TXNRD2: variants seen among roughly 807,000 people sequenced by gnomAD.
TXNRD2 encodes the protein thioredoxin reductase 2, mitochondrial.
Under a neutral mutation model 70.8 loss-of-function variants are expected in TXNRD2, and 67 were observed. The observed-to-expected ratio is 0.95, with a 90% CI of 0.78 to 1.16. The LOEUF (loss-of-function observed/expected upper bound fraction) is 1.16, where lower values mean the gene tolerates loss of function less well. Ranked by LOEUF, TXNRD2 falls within the 50% of genes most tolerant of loss-of-function variation. The pLI, the probability that TXNRD2 is intolerant of heterozygous loss-of-function variation, is 0.00. For synonymous variants in TXNRD2, 301 were observed against 295.8 expected (o/e 1.02, Z -0.18); for missense variants, 644 against 719.9 (o/e 0.89, Z 1.21).
Position 19,883,356 on chromosome 22 carries a change from G to A in TXNRD2, c.1055C>T (p.Pro352Leu). The A allele has an allele frequency of 1.7e-5, 27 of 1,614,010 alleles. No homozygotes were observed. The highest frequency in any genetic ancestry group is 2.3e-5 in the Non-Finnish European group (27 of 1,180,030). The change falls in exon 12 of 18, where the codon CCC (proline) becomes CTC (leucine). Residue 352 changes from proline (P) to leucine (L), a missense_variant. Physicochemically the swap from Pro to Leu is moderately conservative, Grantham distance 98. This residue lies in a region of TXNRD2 where 566 missense variants were observed against 645.0 expected (regional missense o/e 0.88). Transcript: ENST00000400521. The part of the protein sequence containing the change: ...LVDSREATSV[P>L]HIYAIGDVVE... Reference sequence around the variant, plus strand: ...CACGTCACCAATGGCGTAGATGTGGGGCACAGAGGTGGCTTCCCGGGAGTC... The same window carrying A: ...CACGTCACCAATGGCGTAGATGTGGAGCACAGAGGTGGCTTCCCGGGAGTC...
At chr22:19,932,620 G>A (rs1941409602) in intron 1 of TXNRD2, 1 of 1,404,636 alleles carries the variant, frequency 7.1e-7, no homozygotes, top group Non-Finnish European at 9.3e-7. Context: ...CAAGTCATCA[G>A]TCTGCTGGGG....
At chr22:19,939,626 G>A (rs1022508466) in intron 1 of TXNRD2, among the ~76,000 whole-genome samples, 1 of 152,062 alleles carries the variant, frequency 6.6e-6, no homozygotes, top group Admixed American at 6.6e-5. Flanking sequence ...CCGTTGCACC[G>A]CTCAGCCAGG....
intron 12 of TXNRD2, among the ~76,000 whole-genome samples, 183 bp downstream of exon 12, chr22:19,883,142 C>T (rs1205124254): frequency 7.2e-5 from 11 of 152,230 alleles, no homozygotes; most frequent in Admixed American, 2.0e-4. Context: ...GGCAGAGAGC[C>T]GAGGCCCATG....
chr22:19,907,142 G>A (rs1235124465), intron 8 of TXNRD2, among the ~76,000 whole-genome samples: 4 of 112,358 alleles, frequency 3.6e-5, no homozygotes, highest in Admixed American at 2.1e-4. Flanking sequence ...TGGGCACCAT[G>A]GGTAGCACTG....
intron 8 of TXNRD2, among the ~76,000 whole-genome samples, chr22:19,909,057 T>A (rs1359387928): frequency 1.3e-5 from 2 of 151,682 alleles, no homozygotes; most frequent in Non-Finnish European, 2.9e-5. Context: ...ACACAAAAAA[T>A]TAGCGGGGTG....
At chr22:19,892,802 G>A (rs973227372) in intron 11 of TXNRD2, among the ~76,000 whole-genome samples, 3 of 152,146 alleles carry the variant, frequency 2.0e-5, no homozygotes, top group Non-Finnish European at 4.4e-5. Context: ...GACAGTAGGA[G>A]GATAAATTTT....
intron 8 of TXNRD2, among the ~76,000 whole-genome samples, chr22:19,906,827 T>C: frequency 6.8e-6 from 1 of 146,836 alleles, no homozygotes; most frequent in Admixed American, 6.9e-5. Flanking sequence ...GTGGGCGCCG[T>C]GGGTAGCAGT....
chr22:19,927,749 C>A (rs1037498386), intron 2 of TXNRD2, among the ~76,000 whole-genome samples: 1 of 151,374 alleles, frequency 6.6e-6, no homozygotes, highest in African/African-American at 2.4e-5. Context: ...ATACAGAGGG[C>A]TGACTCTGTA....
intron 1 of TXNRD2, 125 bp downstream of exon 1, chr22:19,941,576 G>C: frequency 7.6e-7 from 1 of 1,315,288 alleles, no homozygotes; most frequent in South Asian, 2.0e-5. Context: ...CAAGAGGCCG[G>C]TATGTGGACA....
intron 4 of TXNRD2, 107 bp from the exon 5 acceptor site, chr22:19,918,324 A>C: frequency 2.8e-6 from 3 of 1,066,952 alleles, no homozygotes; most frequent in Non-Finnish European, 4.2e-6. Flanking sequence ...AATATCAAAA[A>C]ACAAGAGTGC....
chr22:19,880,794 C>T lies in TXNRD2; in HGVS notation c.1087-77G>A, dbSNP rs1352952701. The T allele has an allele frequency of 4.8e-6, 5 of 1,033,918 alleles. No homozygotes were observed. The South Asian group carries it at 6.6e-5, about 14-fold the overall frequency. 64.0% of individuals were successfully genotyped at this position (1,033,918 alleles called of 1,614,324 possible). ...CAGCCCCTATGCCATCACCCTTTGC[C>T]CTCCGAGTGGGCATCTCCCTTTAGA... On this transcript the variant is annotated intron_variant, in intron 12 of 17. Coordinates refer to ENST00000400521, the MANE Select transcript of TXNRD2 (RefSeq NM_006440.5).
At chr22:19,912,868 C>T (rs1339593496) in intron 7 of TXNRD2, among the ~76,000 whole-genome samples, 2 of 152,242 alleles carry the variant, frequency 1.3e-5, no homozygotes, top group Admixed American at 1.3e-4. Context: ...GAAGTGGAGG[C>T]TGGGGTCACA....
At chr22:19,909,121 G>C (rs1940200322) in intron 8 of TXNRD2, among the ~76,000 whole-genome samples, 2 of 150,584 alleles carry the variant, frequency 1.3e-5, no homozygotes, top group Non-Finnish European at 2.9e-5. Flanking sequence ...CAGGAGAATC[G>C]CTTGAACCCG....
chr22:19,922,604 G>A (rs1206509355), intron 2 of TXNRD2, among the ~76,000 whole-genome samples: 1 of 152,100 alleles, frequency 6.6e-6, no homozygotes, highest in Non-Finnish European at 1.5e-5. Flanking sequence ...CTCCAGGGTG[G>A]TTTTATAAAC....
At chr22:19,904,576 G>C (rs1284550190) in intron 8 of TXNRD2, among the ~76,000 whole-genome samples, 1 of 152,218 alleles carries the variant, frequency 6.6e-6, no homozygotes, top group Non-Finnish European at 1.5e-5. Flanking sequence ...GGCACCACTC[G>C]CCAGATCTGG....
chr22:19,906,810 G>A (rs1350471041), intron 8 of TXNRD2, among the ~76,000 whole-genome samples: 1 of 150,608 alleles, frequency 6.6e-6, no homozygotes, highest in Non-Finnish European at 1.5e-5. Flanking sequence ...CACAGTCTCA[G>A]GAGAGTGTGG....
intron 1 of TXNRD2, among the ~76,000 whole-genome samples, chr22:19,933,258 G>A (rs1776154447): frequency 6.6e-6 from 1 of 152,236 alleles, no homozygotes. Flanking sequence ...GCTCTGGAAA[G>A]GCCTAAATTG....
chr22:19,893,448 C>G (rs1239310278), intron 11 of TXNRD2, among the ~76,000 whole-genome samples: 1 of 152,238 alleles, frequency 6.6e-6, no homozygotes, highest in East Asian at 1.9e-4. Flanking sequence ...TGCCGCCACC[C>G]ACCCTGACGA....
At chr22:19,935,731 T>C (rs1941514145) in intron 1 of TXNRD2, among the ~76,000 whole-genome samples, 1 of 152,122 alleles carries the variant, frequency 6.6e-6, no homozygotes, top group Non-Finnish European at 1.5e-5. Context: ...TTACAGAAAA[T>C]AGAAAGAACG....
Sources: gnomAD v4.1 joint callset for allele counts (sites outside exome capture counted in the v4.1 genomes callset) on GRCh38, gnomAD v4.1.1 for gene constraint, gnomAD v4.1.1 regional missense constraint, MANE v1.5 for transcripts, NCBI Gene and HGNC (gene_info 2026-07-23, HGNC 2026-07-21) for gene names.